The following PPARG variants were observed in gnomAD, a reference collection of about 807,000 sequenced individuals.
PPARG encodes peroxisome proliferator activated receptor gamma, also known as peroxisome proliferator-activated receptor gamma.
In PPARG, 17 loss-of-function variants were observed where a neutral mutation model predicts 39.2. That is an observed-to-expected ratio of 0.43 (90% CI 0.30 to 0.65). The LOEUF (loss-of-function observed/expected upper bound fraction) is 0.65, where lower values mean the gene tolerates loss of function less well. Ranked by LOEUF, PPARG falls within the 30% of genes least tolerant of loss-of-function variation. The pLI, the probability that PPARG is intolerant of heterozygous loss-of-function variation, is 0.13. For synonymous variants in PPARG, 223 were observed against 215.7 expected (o/e 1.03, Z -0.30); for missense variants, 406 against 585.9 (o/e 0.69, Z 3.17).
intron 2 of PPARG, among the ~76,000 whole-genome samples, chr3:12,372,966 C>T (rs1295961076): frequency 6.6e-6 from 1 of 152,154 alleles, no homozygotes; most frequent in Non-Finnish European, 1.5e-5. Context: ...AATGGATATA[C>T]CACTGATGCA....
chr3:12,298,231 A>G (rs983015886), intron 1 of PPARG, among the ~76,000 whole-genome samples: 31 of 134,448 alleles, frequency 2.3e-4, no homozygotes, highest in Admixed American at 4.8e-4. Context: ...CCCGGGAGGC[A>G]GAGCTTGCAG....
At chr3:12,323,812 T>G (rs1294296050) in intron 2 of PPARG, among the ~76,000 whole-genome samples, 2 of 151,896 alleles carry the variant, frequency 1.3e-5, no homozygotes, top group African/African-American at 4.8e-5. Context: ...GATCATTGTT[T>G]AAGATTATAA....
chr3:12,368,645 G>A (rs2049105065), intron 2 of PPARG, among the ~76,000 whole-genome samples: 1 of 152,160 alleles, frequency 6.6e-6, no homozygotes, highest in African/African-American at 2.4e-5. Context: ...AATAATACTT[G>A]TGTATAACAA....
intron 2 of PPARG, among the ~76,000 whole-genome samples, chr3:12,353,947 G>T (rs935112144): frequency 4.6e-5 from 7 of 152,140 alleles, no homozygotes; most frequent in Non-Finnish European, 1.0e-4. Flanking sequence ...TTAAGTCGTT[G>T]CACCAGAGCC....
chr3:12,377,024 T>G (rs1013302148), intron 2 of PPARG, among the ~76,000 whole-genome samples: 2 of 152,154 alleles, frequency 1.3e-5, no homozygotes, highest in Non-Finnish European at 2.9e-5. Context: ...TTGGCACCAC[T>G]TTGAATAATG....
chr3:12,393,240 T>C (rs2050144707), intron 5 of PPARG, among the ~76,000 whole-genome samples: 1 of 150,064 alleles, frequency 6.7e-6, no homozygotes, highest in Non-Finnish European at 1.5e-5. Context: ...AAGACGAGTA[T>C]TCGTTTCCTT....
chr3:12,414,740 G>GT (rs1307728638), intron 6 of PPARG, among the ~76,000 whole-genome samples: 4 of 152,060 alleles, frequency 2.6e-5, no homozygotes, highest in African/African-American at 4.8e-5. Flanking sequence ...CAAGCAAAAT[G>GT]TTTAAGAAAT....
intron 2 of PPARG, among the ~76,000 whole-genome samples, chr3:12,336,305 T>G (rs1423979075): frequency 6.6e-6 from 1 of 152,178 alleles, no homozygotes; most frequent in Non-Finnish European, 1.5e-5. Flanking sequence ...GGGAGGAGGA[T>G]AACCAGGTCA....
chr3:12,391,189 C>T (rs1388299346), intron 4 of PPARG, among the ~76,000 whole-genome samples: 1 of 152,084 alleles, frequency 6.6e-6, no homozygotes, highest in African/African-American at 2.4e-5. Flanking sequence ...GGATTCCATC[C>T]AGGGGTATAA....
intron 4 of PPARG, among the ~76,000 whole-genome samples, chr3:12,381,920 A>G (rs115753248): frequency 1.9e-4 from 28 of 149,050 alleles, no homozygotes; most frequent in East Asian, 1.2e-3. Context: ...CTAGTTGTTT[A>G]TTTATTTATT....
chr3:12,364,775 C>G (rs1339952471), intron 2 of PPARG, among the ~76,000 whole-genome samples: 1 of 152,136 alleles, frequency 6.6e-6, no homozygotes, highest in East Asian at 1.9e-4. Flanking sequence ...GTTTGCAGTG[C>G]TCTCGTGACA....
chr3:12,301,597 A>G (rs2046927603), intron 1 of PPARG: 1 of 152,180 alleles, frequency 6.6e-6, no homozygotes, highest in African/African-American at 2.4e-5. Context: ...AAATAGATGG[A>G]CCTTGTGACA....
At chr3:12,348,704 C>T (rs945719531) in intron 2 of PPARG, among the ~76,000 whole-genome samples, 1 of 152,138 alleles carries the variant, frequency 6.6e-6, no homozygotes, top group Non-Finnish European at 1.5e-5. Flanking sequence ...GGTCTTTTAC[C>T]ACTCCTCCTC....
chr3:12,417,901 C>CT (rs1559533744), intron 7 of PPARG, among the ~76,000 whole-genome samples: 5 of 46,148 alleles, frequency 1.1e-4, no homozygotes, highest in East Asian at 5.0e-4. Flanking sequence ...TTTTTTTTTT[C>CT]CTTTTTTTTT....
chr3:12,411,541 A>T (rs1231307992), intron 6 of PPARG, among the ~76,000 whole-genome samples: 1 of 152,194 alleles, frequency 6.6e-6, no homozygotes. Flanking sequence ...AATCATTTTA[A>T]AAGGAAAAAA....
intron 5 of PPARG, among the ~76,000 whole-genome samples, chr3:12,405,237 C>A (rs1225471667): frequency 6.6e-6 from 1 of 152,178 alleles, no homozygotes; most frequent in Admixed American, 6.5e-5. Context: ...ACTTCCTCAC[C>A]CTACAGGCAG....
rs528212627 is a variant in PPARG, at chr3:12,328,352, A to T, written c.-9+15899A>T. The T allele has an allele frequency of 1.8e-5, 13 of 739,298 alleles. No individual in the cohort carries two copies. In the African/African-American group the frequency reaches 2.3e-4, roughly 13 times the overall value. 45.8% of individuals were successfully genotyped at this position (739,298 alleles called of 1,614,324 possible). A position where few individuals can be genotyped will look rare whatever the true frequency, so the allele number is the denominator to read the frequency against. ...GGCAGAGGAGTCTCTGCAGGGAAAC[A>T]GCTTCTCCTCTGCCCTGATGGATGC... On this transcript the variant is annotated intron_variant, in intron 2 of 7. Coordinates refer to ENST00000651735, the MANE Select transcript of PPARG (RefSeq NM_138711.6).
intron 5 of PPARG, among the ~76,000 whole-genome samples, chr3:12,404,572 G>A (rs1335323484): frequency 6.6e-6 from 1 of 152,204 alleles, no homozygotes; most frequent in Non-Finnish European, 1.5e-5. Context: ...GGGAGGCTGA[G>A]GTGGGTGAAT....
intron 2 of PPARG, among the ~76,000 whole-genome samples, chr3:12,320,221 C>CAT (rs1332986098): frequency 1.3e-5 from 2 of 152,042 alleles, no homozygotes; most frequent in Admixed American, 1.3e-4. Flanking sequence ...TATATACGTG[C>CAT]ATATATATAT....
Sources: allele counts gnomAD v4.1 joint callset (sites outside exome capture counted in the v4.1 genomes callset), GRCh38; gene constraint gnomAD v4.1.1; transcripts MANE v1.5; gene names NCBI Gene and HGNC (gene_info 2026-07-23, HGNC 2026-07-21).